The following MCHR2 variants were observed in gnomAD, a reference collection of about 807,000 sequenced individuals.
The protein encoded by MCHR2 is melanin concentrating hormone receptor 2.
MCHR2 carries 15 observed loss-of-function variants against 24.8 expected under a neutral mutation model. The observed-to-expected ratio is 0.60, with a 90% CI of 0.40 to 0.93. MCHR2 has a LOEUF of 0.93. MCHR2 is among the 40% of genes least tolerant of loss of function. The probability of loss-of-function intolerance (pLI) is 0.00; values close to 1 mark genes in which losing one functional copy is unlikely to be tolerated. For missense variants in MCHR2, 386 were observed against 408.7 expected (o/e 0.94, Z 0.48); for synonymous variants, 151 against 147.6 (o/e 1.02, Z -0.17).
intron 5 of MCHR2, among the ~76,000 whole-genome samples, chr6:99,933,224 T>C (rs1430107347): frequency 6.6e-6 from 1 of 152,094 alleles, no homozygotes; most frequent in East Asian, 1.9e-4. Flanking sequence ...GAGTAGGCAC[T>C]ATCATTCCTC....
intron 1 of MCHR2, among the ~76,000 whole-genome samples, chr6:99,958,796 GC>G (rs1165331062): frequency 1.3e-5 from 2 of 152,176 alleles, no homozygotes; most frequent in African/African-American, 4.8e-5. Context: ...GAAACTTCCA[GC>G]TTCTGGCTTC....
intron 4 of MCHR2, 140 bp downstream of exon 4, chr6:99,942,809 T>C (rs1669246438): frequency 8.6e-6 from 5 of 578,240 alleles, no homozygotes; most frequent in Non-Finnish European, 8.7e-6. Context: ...CTTGATTGTA[T>C]GTGTGGAGAA....
chr6:99,974,657 T>G (rs1775510405), intron 1 of MCHR2, among the ~76,000 whole-genome samples: 2 of 152,194 alleles, frequency 1.3e-5, no homozygotes, highest in South Asian at 2.1e-4. Flanking sequence ...AGTTTCCAGT[T>G]TTTCTGCTCT....
In MCHR2 at chr6:99,920,721, T is replaced by C. The variant is rs1774205623; in HGVS notation, c.*219A>G. 2 of 539,194 alleles carry C rather than the reference T, an allele frequency of 3.7e-6. No individual in the cohort carries two copies. Among genetic ancestry groups the C allele is most frequent in the Non-Finnish European group, 6.6e-6 (2 of 301,012 alleles). 33.4% of individuals were successfully genotyped at this position (539,194 alleles called of 1,614,324 possible). ...CATGAAGCCTGGGTATCTCAGACTA[T>C]CCCATTCCCTACCCACAATATAGAT... On this transcript the variant is annotated 3_prime_UTR_variant, in exon 6 of 6. Coordinates refer to ENST00000281806, the MANE Select transcript of MCHR2 (RefSeq NM_001040179.2).
At chr6:99,949,758 G>A (rs1774932932) in intron 2 of MCHR2, among the ~76,000 whole-genome samples, 1 of 152,028 alleles carries the variant, frequency 6.6e-6, no homozygotes, top group African/African-American at 2.4e-5. Flanking sequence ...GACCAAGAGG[G>A]AGAGGAGACA....
At chr6:99,989,954 A>G (rs1775838293) in intron 1 of MCHR2, among the ~76,000 whole-genome samples, 1 of 152,278 alleles carries the variant, frequency 6.6e-6, no homozygotes, top group East Asian at 1.9e-4. Context: ...TGGAGAAAAA[A>G]TTCACCTAGA....
At chr6:99,930,824 ACTT>A (rs1774505772) in intron 5 of MCHR2, among the ~76,000 whole-genome samples, 1 of 151,566 alleles carries the variant, frequency 6.6e-6, no homozygotes, top group South Asian at 2.1e-4. Flanking sequence ...TCATCTGAAG[ACTT>A]CTTCTCTCAA....
intron 1 of MCHR2, among the ~76,000 whole-genome samples, chr6:99,967,001 C>A (rs1276856227): frequency 6.6e-6 from 1 of 152,048 alleles, no homozygotes; most frequent in Non-Finnish European, 1.5e-5. Context: ...ACCCATCCAT[C>A]CTGAATATTA....
At chr6:99,929,972 G>A (rs1230497413) in intron 5 of MCHR2, among the ~76,000 whole-genome samples, 1 of 150,412 alleles carries the variant, frequency 6.6e-6, no homozygotes, top group Non-Finnish European at 1.5e-5. Context: ...TGCAGTGGCT[G>A]GTACCGGTTG....
intron 1 of MCHR2, among the ~76,000 whole-genome samples, chr6:99,992,362 CT>C (rs1775899382): frequency 6.6e-6 from 1 of 152,178 alleles, no homozygotes; most frequent in South Asian, 2.1e-4. Flanking sequence ...TAATTGCTGC[CT>C]CTTATGCATT....
chr6:99,925,772 A>G (rs1418339560), intron 5 of MCHR2, among the ~76,000 whole-genome samples: 1 of 151,594 alleles, frequency 6.6e-6, no homozygotes, highest in Non-Finnish European at 1.5e-5. Flanking sequence ...TGTCTTGAAA[A>G]GTTGTTGTAG....
chr6:99,979,272 C>G (rs149883519), intron 1 of MCHR2, among the ~76,000 whole-genome samples: 2 of 152,174 alleles, frequency 1.3e-5, no homozygotes, highest in South Asian at 2.1e-4. Context: ...AGGAAAGAAT[C>G]TGTCCCAGCC....
intron 2 of MCHR2, among the ~76,000 whole-genome samples, chr6:99,948,219 G>A (rs1458058207): frequency 6.6e-6 from 1 of 152,152 alleles, no homozygotes; most frequent in African/African-American, 2.4e-5. Flanking sequence ...AGTAGGTGGA[G>A]CCTAATTCCC....
At chr6:99,955,067 T>G (rs1236121189) in intron 2 of MCHR2, among the ~76,000 whole-genome samples, 1 of 152,186 alleles carries the variant, frequency 6.6e-6, no homozygotes, top group Non-Finnish European at 1.5e-5. Context: ...GAATATCTTT[T>G]ATAACATATG....
intron 1 of MCHR2, among the ~76,000 whole-genome samples, chr6:99,964,608 C>T (rs1318676252): frequency 6.6e-6 from 1 of 152,092 alleles, no homozygotes; most frequent in African/African-American, 2.4e-5. Context: ...GTCATGAGAA[C>T]AGCATGGGGG....
chr6:99,954,487 T>C (rs140981340), intron 2 of MCHR2, among the ~76,000 whole-genome samples: 2,884 of 152,194 alleles, frequency 0.019, 33 homozygotes, highest in Middle Eastern at 0.048. Context: ...ATGTGATGGG[T>C]TGCAGTCAAA....
At chr6:99,968,245 T>A (rs1255622358) in intron 1 of MCHR2, among the ~76,000 whole-genome samples, 2 of 152,178 alleles carry the variant, frequency 1.3e-5, no homozygotes, top group Admixed American at 6.5e-5. Context: ...CTCTCAGTTG[T>A]TAGTCCTTAA....
chr6:99,947,721 C>T (rs747398491), intron 3 of MCHR2, 41 bp downstream of exon 3: 5 of 1,585,900 alleles, frequency 3.2e-6, no homozygotes, highest in South Asian at 2.3e-5. Flanking sequence ...AGCACAGGCA[C>T]CTCTGAATTA....
intron 1 of MCHR2, 85 bp from the exon 2 acceptor site, chr6:99,956,259 A>T: frequency 9.9e-7 from 1 of 1,007,048 alleles, no homozygotes; most frequent in Non-Finnish European, 1.4e-6. Context: ...ATTTTTTGGA[A>T]CCTCTTTTTT....
Sources: gnomAD v4.1 joint callset for allele counts (sites outside exome capture counted in the v4.1 genomes callset) on GRCh38, gnomAD v4.1.1 for gene constraint, MANE v1.5 for transcripts, NCBI Gene and HGNC (gene_info 2026-07-23, HGNC 2026-07-21) for gene names.